Variants in AGBL4 observed in about 807,000 individuals in gnomAD.
The protein encoded by AGBL4 is AGBL carboxypeptidase 4, also known as cytosolic carboxypeptidase 6.
AGBL4 carries 58 observed loss-of-function variants against 66.4 expected under a neutral mutation model. The observed-to-expected ratio is 0.87, with a 90% CI of 0.71 to 1.09. The LOEUF is 1.09. AGBL4 is among the 50% of genes least tolerant of loss of function. The pLI, the probability that AGBL4 is intolerant of heterozygous loss-of-function variation, is 0.00. For synonymous variants in AGBL4, 234 were observed against 222.9 expected, an observed-to-expected ratio of 1.05 and a Z score of -0.44; for missense variants, 579 against 631.0, an observed-to-expected ratio of 0.92 and a Z score of 0.88.
chr1:49,330,731 T>C (rs894189213), intron 3 of AGBL4, among the ~76,000 whole-genome samples: 5 of 152,078 alleles, frequency 3.3e-5, no homozygotes, highest in African/African-American at 9.7e-5. Flanking sequence ...TGTTTTGGAA[T>C]AGAAATTAAT....
chr1:49,140,440 G>T lies in AGBL4; in HGVS notation c.378-94640C>A, dbSNP rs535484408. 2.0e-5 allele frequency among the ~76,000 whole-genome samples: 3 copies of T among 152,262 alleles called. 1 individual carries two copies. The South Asian group carries it at 6.2e-4, about 32-fold the overall frequency. Reference sequence around the variant, plus strand: ...CATATTCACACCTTTCTTCCATCAGGCTGCCCTGCCCCAGGAAAACAACCC... The same window carrying T: ...CATATTCACACCTTTCTTCCATCAGTCTGCCCTGCCCCAGGAAAACAACCC... On this transcript the variant is annotated intron_variant, in intron 4 of 13. Transcript: ENST00000371839.
chr1:48,888,448 C>A (rs866217639), intron 5 of AGBL4, among the ~76,000 whole-genome samples: 11 of 152,260 alleles, frequency 7.2e-5, no homozygotes, highest in Middle Eastern at 3.4e-3. Context: ...CCCACCCAAG[C>A]CCACCTTTGC....
intron 1 of AGBL4, among the ~76,000 whole-genome samples, chr1:49,972,744 A>G (rs1441949338): frequency 1.3e-5 from 2 of 152,260 alleles, no homozygotes; most frequent in East Asian, 1.9e-4. Flanking sequence ...ACTGTGCCTA[A>G]TTTATAAACT....
intron 1 of AGBL4, among the ~76,000 whole-genome samples, chr1:49,989,017 C>T (rs1426402570): frequency 6.6e-6 from 1 of 152,036 alleles, no homozygotes; most frequent in East Asian, 1.9e-4. Context: ...AGAAACAAAC[C>T]CGTATTTGTG....
intron 3 of AGBL4, among the ~76,000 whole-genome samples, chr1:49,395,849 A>G (rs1187962247): frequency 8.8e-5 from 2 of 22,832 alleles, no homozygotes; most frequent in Non-Finnish European, 1.9e-4. Flanking sequence ...ATATATATAT[A>G]CACACATAAA....
chr1:49,076,704 C>T (rs187388049), intron 4 of AGBL4, among the ~76,000 whole-genome samples: 450 of 152,188 alleles, frequency 3.0e-3, no homozygotes, highest in Non-Finnish European at 4.9e-3. Context: ...GGAAAAGACT[C>T]CCATATATAA....
intron 8 of AGBL4, among the ~76,000 whole-genome samples, chr1:48,641,915 T>A (rs1363499031): frequency 1.3e-5 from 2 of 152,160 alleles, no homozygotes; most frequent in African/African-American, 4.8e-5. Flanking sequence ...TTTATTTTTT[T>A]AAATGGGGAA....
intron 3 of AGBL4, among the ~76,000 whole-genome samples, chr1:49,558,710 G>A (rs374634366): frequency 2.4e-4 from 36 of 152,228 alleles, no homozygotes; most frequent in African/African-American, 8.7e-4. Context: ...AGAGAGCCCA[G>A]TACCCTAGAG....
intron 4 of AGBL4, among the ~76,000 whole-genome samples, chr1:49,191,917 G>A (rs1647127661): frequency 6.6e-6 from 1 of 152,114 alleles, no homozygotes; most frequent in African/African-American, 2.4e-5. Context: ...GTGCTGCAGT[G>A]AACATATGCA....
intron 4 of AGBL4, among the ~76,000 whole-genome samples, chr1:49,151,279 A>T (rs1387252136): frequency 6.1e-5 from 9 of 147,358 alleles, no homozygotes; most frequent in African/African-American, 1.7e-4. Flanking sequence ...AAAAAAAAAA[A>T]AAATATATAT....
chr1:49,933,107 A>G (rs901515510), intron 1 of AGBL4, among the ~76,000 whole-genome samples: 1 of 152,176 alleles, frequency 6.6e-6, no homozygotes, highest in Non-Finnish European at 1.5e-5. Context: ...CAGGAATTCT[A>G]CACTGAGATA....
At chr1:48,527,867 C>G (rs1008409783), downstream of AGBL4, among the ~76,000 whole-genome samples, 2 of 152,074 alleles carry the variant, frequency 1.3e-5, no homozygotes, top group African/African-American at 4.8e-5. Flanking sequence ...TATCCAGGCT[C>G]CTGGCTTGGA....
At chr1:48,538,142 C>T (rs937377745) in intron 12 of AGBL4, among the ~76,000 whole-genome samples, 1 of 152,090 alleles carries the variant, frequency 6.6e-6, no homozygotes, top group Non-Finnish European at 1.5e-5. Context: ...TATCAGAATA[C>T]CTTGTCATGA....
chr1:48,561,246 TTTCC>T (rs1281512010), intron 11 of AGBL4, among the ~76,000 whole-genome samples: 2 of 152,120 alleles, frequency 1.3e-5, no homozygotes, highest in African/African-American at 2.4e-5. Context: ...CTTCTTTCTC[TTTCC>T]TTCCTTCCTT....
rs189224949 is a variant in AGBL4, at chr1:49,099,741, G to T, written c.378-53941C>A. On this transcript the variant is annotated intron_variant, in intron 4 of 13. Coordinates refer to ENST00000371839, the MANE Select transcript of AGBL4 (RefSeq NM_032785.4). ...GGTCTGATTTGATTCTATATCCCTA[G>T]GGTCTAGGACTTGTCAGAGTAAGAC... Among the ~76,000 whole-genome samples, 29 of 152,112 alleles carry T rather than the reference G, an allele frequency of 1.9e-4. No homozygotes were observed. In the East Asian group the frequency reaches 4.9e-3, roughly 25 times the overall value.
intron 3 of AGBL4, among the ~76,000 whole-genome samples, chr1:49,575,412 G>A (rs1248294299): frequency 6.6e-6 from 1 of 152,124 alleles, no homozygotes; most frequent in Non-Finnish European, 1.5e-5. Flanking sequence ...CTATTATGGT[G>A]GGAAAGGCCA....
At chr1:49,129,585 T>C (rs1645844464) in intron 4 of AGBL4, among the ~76,000 whole-genome samples, 1 of 151,888 alleles carries the variant, frequency 6.6e-6, no homozygotes, top group African/African-American at 2.4e-5. Flanking sequence ...GTCCTTGCGA[T>C]AGTTTACTGA....
downstream of AGBL4, among the ~76,000 whole-genome samples, chr1:48,530,955 C>A (rs1643901754): frequency 6.6e-6 from 1 of 152,186 alleles, no homozygotes; most frequent in South Asian, 2.1e-4. Flanking sequence ...TAGCCTCTGG[C>A]GGGTTGTACA....
chr1:48,950,002 G>A (rs559593104), intron 5 of AGBL4, among the ~76,000 whole-genome samples: 3 of 152,286 alleles, frequency 2.0e-5, no homozygotes, highest in Admixed American at 6.5e-5. Context: ...AATACACTCT[G>A]AGTCCAGCAT....
Sources: allele counts gnomAD v4.1 joint callset (sites outside exome capture counted in the v4.1 genomes callset), GRCh38; gene constraint gnomAD v4.1.1; transcripts MANE v1.5; gene names NCBI Gene and HGNC (gene_info 2026-07-23, HGNC 2026-07-21).